The following ZFAT variants were observed in gnomAD, a reference collection of about 807,000 sequenced individuals.
ZFAT encodes zinc finger protein ZFAT.
ZFAT carries 64 observed loss-of-function variants against 117.7 expected under a neutral mutation model. The ratio of observed to expected loss-of-function variants is 0.54; its 90% CI spans 0.44 to 0.67. The LOEUF (loss-of-function observed/expected upper bound fraction) is 0.67. ZFAT is among the 30% of genes least tolerant of loss of function. The pLI is 0.00. For missense variants in ZFAT, 1,433 were observed against 1,584.5 expected (o/e 0.90, Z 1.62); for synonymous variants, 679 against 615.0 (o/e 1.10, Z -1.54).
chr8:134,787,064 G>C, the ZFAT span, among the ~76,000 whole-genome samples: 2 of 152,050 alleles, frequency 1.3e-5, no homozygotes, highest in Non-Finnish European at 1.5e-5. Flanking sequence ...GCCCAGGCTA[G>C]TCTTGAACTC....
At chr8:134,565,200 G>C (rs1278986666) in intron 11 of ZFAT, 133 bp downstream of exon 11, 1 of 1,541,356 alleles carries the variant, frequency 6.5e-7, no homozygotes, top group Admixed American at 1.9e-5. Context: ...CAGACTCCAC[G>C]TGTACCAGCT....
intron 1 of ZFAT, among the ~76,000 whole-genome samples, chr8:134,702,579 C>A (rs148156256): frequency 1.2e-4 from 19 of 152,276 alleles, no homozygotes; most frequent in Non-Finnish European, 2.4e-4. Flanking sequence ...TTGCCTACCC[C>A]CAAGTAAAAA....
At chr8:134,800,865 A>AT in the ZFAT span, among the ~76,000 whole-genome samples, 1 of 152,000 alleles carries the variant, frequency 6.6e-6, no homozygotes, top group Non-Finnish European at 1.5e-5. Context: ...TATTAATAAA[A>AT]TTTTTTTTAG....
chr8:134,609,137 T>C (rs1828128843), intron 4 of ZFAT, among the ~76,000 whole-genome samples: 1 of 151,604 alleles, frequency 6.6e-6, no homozygotes, highest in Admixed American at 6.6e-5. Context: ...GATCTACTTA[T>C]ATTAAAAAGT....
At chr8:134,784,387 AGTAT>A in the ZFAT span, 1 of 152,212 alleles carries the variant, frequency 6.6e-6, no homozygotes, top group Non-Finnish European at 1.5e-5. Context: ...TTCTTTCAGA[AGTAT>A]GTAAAATTGG....
At position 134,478,528 on chromosome 8, in the gene ZFAT, T is replaced by C. The variant is rs866411032; in HGVS notation, c.3686A>G (p.Gln1229Arg). 18 of 1,588,720 alleles carry C rather than the reference T, an allele frequency of 1.1e-5. No individual in the cohort carries two copies. The highest frequency in any genetic ancestry group is 9.4e-5 in the African/African-American group (7 of 74,280). Reference protein sequence around the residue: ...EFIVYVQEAMQPVEEQAVEQP... With the variant: ...EFIVYVQEAMRPVEEQAVEQP... ...CTCCACAGCCTGCTCCTCCACAGGC[T>C]GCATGGCCTCCTGCACGTAGACGAT... The change falls in exon 16 of 16, where the codon CAG becomes CGG. Residue 1229 changes from glutamine to arginine, a missense_variant. By Grantham distance (43) the Gln-to-Arg change is conservative. Around this residue, in one of 5 missense-constraint regions of ZFAT, gnomAD observed 503 missense variants for 543.4 expected, o/e 0.93. Coordinates refer to ENST00000377838, the MANE Select transcript of ZFAT (RefSeq NM_020863.4). The surrounding 1 kb of genome is among the most constrained non-coding windows in gnomAD (Gnocchi z 5.2).
upstream of ZFAT, among the ~76,000 whole-genome samples, chr8:134,715,463 G>C (rs950195847): frequency 1.3e-5 from 2 of 152,216 alleles, no homozygotes; most frequent in African/African-American, 4.8e-5. Context: ...CCTTTCTGTG[G>C]GGGAATCCAG....
chr8:134,511,955 C>T (rs1012978688), intron 14 of ZFAT, among the ~76,000 whole-genome samples: 5 of 152,210 alleles, frequency 3.3e-5, no homozygotes, highest in Non-Finnish European at 7.3e-5. Context: ...ACTGAGCCCA[C>T]ACCACCTCCT....
chr8:134,770,060 G>A, the ZFAT span, among the ~76,000 whole-genome samples: 1 of 152,196 alleles, frequency 6.6e-6, no homozygotes, highest in Non-Finnish European at 1.5e-5. Flanking sequence ...GTGATGGGAG[G>A]AGCTGCCACA....
chr8:134,779,659 A>G, the ZFAT span, among the ~76,000 whole-genome samples: 5 of 152,202 alleles, frequency 3.3e-5, no homozygotes, highest in African/African-American at 1.2e-4. Context: ...TTGCCAAAAG[A>G]CAAAAAATGT....
At chr8:134,813,415 T>C in the ZFAT span, among the ~76,000 whole-genome samples, 1 of 152,270 alleles carries the variant, frequency 6.6e-6, no homozygotes, top group Admixed American at 6.5e-5. Flanking sequence ...GCTATTGCCA[T>C]CTAATTCTTT....
At chr8:134,624,797 G>A (rs1243384377) in intron 3 of ZFAT, among the ~76,000 whole-genome samples, 1 of 152,204 alleles carries the variant, frequency 6.6e-6, no homozygotes, top group Admixed American at 6.5e-5. Context: ...TGTTGAATTG[G>A]AAGCAGGCAA....
the ZFAT span, among the ~76,000 whole-genome samples, chr8:134,729,890 C>A: frequency 1.3e-5 from 2 of 152,288 alleles, no homozygotes; most frequent in African/African-American, 4.8e-5. Flanking sequence ...AATTAATACA[C>A]AATAACTGGA....
chr8:134,784,068 C>T, the ZFAT span: 4 of 152,228 alleles, frequency 2.6e-5, no homozygotes, highest in Non-Finnish European at 5.9e-5. Flanking sequence ...CCCAGGTAAA[C>T]AAAGGCCTTG....
chr8:134,629,399 C>T (rs1328823410), intron 3 of ZFAT, among the ~76,000 whole-genome samples: 8 of 151,994 alleles, frequency 5.3e-5, no homozygotes, highest in Admixed American at 3.3e-4. Flanking sequence ...ATTTCCAGGG[C>T]TCCCCTACCC....
chr8:134,670,285 T>C (rs1056934931), intron 1 of ZFAT, among the ~76,000 whole-genome samples: 1 of 152,180 alleles, frequency 6.6e-6, no homozygotes, highest in Non-Finnish European at 1.5e-5. Flanking sequence ...CCACCCCAAA[T>C]CAACAGAATA....
intron 8 of ZFAT, among the ~76,000 whole-genome samples, chr8:134,589,672 C>A (rs936616239): frequency 6.6e-6 from 1 of 152,122 alleles, no homozygotes; most frequent in Non-Finnish European, 1.5e-5. Context: ...GCGGGGTGGA[C>A]CCTCGGCCAG....
At chr8:134,822,224 C>T in the ZFAT span, among the ~76,000 whole-genome samples, 2 of 151,980 alleles carry the variant, frequency 1.3e-5, no homozygotes, top group African/African-American at 4.8e-5. Flanking sequence ...GTATACTGAC[C>T]AATCGTATAA....
At chr8:134,607,251 A>G (rs1485036808) in intron 5 of ZFAT, among the ~76,000 whole-genome samples, 1 of 152,248 alleles carries the variant, frequency 6.6e-6, no homozygotes, top group Non-Finnish European at 1.5e-5. Context: ...ACTTAATTCT[A>G]TTATGAATTC....
Sources: allele counts gnomAD v4.1 joint callset (sites outside exome capture counted in the v4.1 genomes callset), GRCh38; gene constraint gnomAD v4.1.1; regional missense constraint gnomAD v4.1.1; non-coding constraint Gnocchi (gnomAD v3.1); transcripts MANE v1.5; gene names NCBI Gene and HGNC (gene_info 2026-07-23, HGNC 2026-07-21).